The following RHOU variants were observed in gnomAD, a reference collection of about 807,000 sequenced individuals.
RHOU encodes the protein ras homolog family member U.
RHOU carries 8 observed loss-of-function variants against 12.6 expected under a neutral mutation model. The ratio of observed to expected loss-of-function variants is 0.64; its 90% CI spans 0.37 to 1.15. RHOU has a LOEUF of 1.15. RHOU is among the 50% of genes most tolerant of loss of function. The pLI is 0.01. For missense variants in RHOU, 258 were observed against 347.0 expected (o/e 0.74, Z 2.04); for synonymous variants, 161 against 147.4 (o/e 1.09, Z -0.67).
the RHOU span, among the ~76,000 whole-genome samples, chr1:228,659,590 A>T: frequency 6.6e-6 from 1 of 152,234 alleles, no homozygotes; most frequent in Non-Finnish European, 1.5e-5. Flanking sequence ...TAAAGATAAA[A>T]TTGACAAACT....
At chr1:228,724,315 G>GT in the RHOU span, among the ~76,000 whole-genome samples, 1 of 152,024 alleles carries the variant, frequency 6.6e-6, no homozygotes, top group Admixed American at 6.6e-5. Flanking sequence ...AATTTCTTGT[G>GT]TTCCCCCCCA....
the RHOU span, among the ~76,000 whole-genome samples, chr1:228,653,401 C>T: frequency 2.6e-5 from 4 of 152,248 alleles, no homozygotes; most frequent in Non-Finnish European, 1.5e-5. Context: ...CTCACTGCAA[C>T]CTCCGCCTCC....
chr1:228,720,442 G>A, the RHOU span, among the ~76,000 whole-genome samples: 3 of 152,116 alleles, frequency 2.0e-5, no homozygotes, highest in Admixed American at 6.5e-5. Flanking sequence ...CAATACCTCA[G>A]AATGTGACTT....
the RHOU span, among the ~76,000 whole-genome samples, chr1:228,705,164 C>T: frequency 6.6e-6 from 1 of 151,776 alleles, no homozygotes; most frequent in East Asian, 1.9e-4. Flanking sequence ...AGTTTCTGCA[C>T]ATCGGTAGGC....
At position 228,735,899 on chromosome 1, in the gene RHOU, G is replaced by A. The variant is rs369741000; in HGVS notation, c.157G>A (p.Val53Met). 2.8e-5 allele frequency: 44 copies of A among 1,556,042 alleles called. No individual in the cohort carries two copies. Among genetic ancestry groups the A allele is most frequent in the Non-Finnish European group, 3.8e-5 (44 of 1,157,342 alleles). Residue 53 changes from valine (V) to methionine (M), a missense_variant, in exon 1 of 3, where the codon GTG (valine) becomes ATG (methionine). Physicochemically the swap from Val to Met is conservative, Grantham distance 21. Coordinates refer to ENST00000366691, the MANE Select transcript of RHOU (RefSeq NM_021205.6). The surrounding 1 kb of genome is among the most constrained non-coding windows in gnomAD (Gnocchi z 8.1). ...GGAEGRGVKCVLVGDGAVGKT... is the reference protein window; with the variant it reads ...GGAEGRGVKCMLVGDGAVGKT... ...TGCCGAGGGGCGCGGCGTCAAGTGC[G>A]TGCTGGTCGGCGACGGCGCGGTGGG...
the RHOU span, among the ~76,000 whole-genome samples, chr1:228,648,579 T>G: frequency 5.3e-5 from 8 of 152,352 alleles, no homozygotes; most frequent in East Asian, 1.5e-3. Context: ...TCTTTAAAAT[T>G]TCAACCATGT....
In RHOU at chr1:228,744,031, G is replaced by A. The variant is rs1662777221; in HGVS notation, c.*291G>A. On this transcript the variant is annotated 3_prime_UTR_variant, in exon 3 of 3. Transcript: ENST00000366691. Reference sequence around the variant, plus strand: ...GTTAATTTATATCTAATATGAAGAAGACACCTCTAATCTGGATGTTAAGAA... The same window carrying A: ...GTTAATTTATATCTAATATGAAGAAAACACCTCTAATCTGGATGTTAAGAA... 1 of 317,254 alleles carries A rather than the reference G, an allele frequency of 3.2e-6. No individual in the cohort carries two copies. Among genetic ancestry groups the A allele is most frequent in the South Asian group, 4.1e-5 (1 of 24,236 alleles). 19.7% of individuals were successfully genotyped at this position (317,254 alleles called of 1,614,324 possible).
At chr1:228,736,664 G>T (rs903332683) in intron 1 of RHOU, among the ~76,000 whole-genome samples, 1 of 152,078 alleles carries the variant, frequency 6.6e-6, no homozygotes, top group Non-Finnish European at 1.5e-5. Context: ...ATCTTTTCAG[G>T]ATCCCTTTAA....
the RHOU span, among the ~76,000 whole-genome samples, chr1:228,717,270 T>G: frequency 2.6e-5 from 4 of 152,230 alleles, no homozygotes; most frequent in Non-Finnish European, 5.9e-5. Context: ...TGTTTGCTTC[T>G]GTAATAACAT....
the RHOU span, among the ~76,000 whole-genome samples, chr1:228,658,374 GC>G: frequency 6.6e-6 from 1 of 151,634 alleles, no homozygotes; most frequent in East Asian, 1.9e-4. Flanking sequence ...CGAAATTAGA[GC>G]CCTTATAAAA....
chr1:228,663,564 G>C, the RHOU span, among the ~76,000 whole-genome samples: 9 of 148,462 alleles, frequency 6.1e-5, no homozygotes, highest in Admixed American at 2.0e-4. Flanking sequence ...ACACATAGCT[G>C]ACATTATTTT....
At chr1:228,696,845 T>C in the RHOU span, among the ~76,000 whole-genome samples, 6 of 152,152 alleles carry the variant, frequency 3.9e-5, no homozygotes, top group Non-Finnish European at 1.5e-5. Context: ...CCATGCCTGG[T>C]CATGGGTATA....
At chr1:228,693,276 C>T in the RHOU span, among the ~76,000 whole-genome samples, 3 of 152,306 alleles carry the variant, frequency 2.0e-5, no homozygotes, top group Non-Finnish European at 2.9e-5. Flanking sequence ...AGAGTTACAG[C>T]GTGAACTGAC....
intron 2 of RHOU, among the ~76,000 whole-genome samples, chr1:228,740,487 GT>G (rs1345033559): frequency 2.6e-5 from 4 of 152,012 alleles, no homozygotes; most frequent in Non-Finnish European, 5.9e-5. Flanking sequence ...TTCTGTTTTT[GT>G]TTTCCTGATC....
upstream of RHOU, among the ~76,000 whole-genome samples, chr1:228,731,660 C>T (rs142489180): frequency 1.3e-5 from 2 of 152,120 alleles, no homozygotes; most frequent in Admixed American, 1.3e-4. Context: ...GGAGAAAGAG[C>T]AAGTTCATGG....
the RHOU span, among the ~76,000 whole-genome samples, chr1:228,648,854 CTCTCTCTT>C: frequency 7.3e-6 from 1 of 137,880 alleles, no homozygotes; most frequent in Non-Finnish European, 1.6e-5. Context: ...TTCTCTTCCT[CTCTCTCTT>C]TCTTTCTTTC....
the RHOU span, among the ~76,000 whole-genome samples, chr1:228,709,563 G>A: frequency 1.4e-5 from 2 of 146,758 alleles, no homozygotes; most frequent in African/African-American, 2.5e-5. Flanking sequence ...ATGACTACTG[G>A]GTACATAACG....
chr1:228,680,925 C>G, the RHOU span, among the ~76,000 whole-genome samples: 1 of 152,166 alleles, frequency 6.6e-6, no homozygotes, highest in African/African-American at 2.4e-5. Flanking sequence ...GGGATCTTCT[C>G]AGGGAACTGC....
chr1:228,729,118 A>G, the RHOU span, among the ~76,000 whole-genome samples: 1 of 151,082 alleles, frequency 6.6e-6, no homozygotes, highest in Non-Finnish European at 1.5e-5. Flanking sequence ...CTGTGCTCGA[A>G]CTCCTGACCT....
Sources: allele counts gnomAD v4.1 joint callset (sites outside exome capture counted in the v4.1 genomes callset), GRCh38; gene constraint gnomAD v4.1.1; non-coding constraint Gnocchi (gnomAD v3.1); transcripts MANE v1.5; gene names NCBI Gene and HGNC (gene_info 2026-07-23, HGNC 2026-07-21).